Variants in TTLL7 observed in about 807,000 individuals in gnomAD.
TTLL7 encodes tubulin tyrosine ligase like 7.
TTLL7 carries 53 observed loss-of-function variants against 120.2 expected under a neutral mutation model. The observed-to-expected ratio is 0.44, with a 90% CI of 0.35 to 0.55. The LOEUF is 0.55. Among genes scored for constraint, TTLL7 ranks in the 20% least tolerant of loss-of-function variants. TTLL7 has a pLI of 0.00. For missense variants in TTLL7, 803 were observed against 1,054.7 expected, an observed-to-expected ratio of 0.76 and a Z score of 3.31; for synonymous variants, 353 against 351.7, an observed-to-expected ratio of 1.00 and a Z score of -0.04.
At chr1:83,980,058 CAT>C (rs1328548833) in intron 1 of TTLL7, 1 of 152,174 alleles carries the variant, frequency 6.6e-6, no homozygotes, top group African/African-American at 2.4e-5. Context: ...TCAACTAAAA[CAT>C]ATATGTAAAG....
chr1:83,873,171 G>A (rs1241034604), intron 20 of TTLL7, among the ~76,000 whole-genome samples: 1 of 152,182 alleles, frequency 6.6e-6, no homozygotes, highest in Non-Finnish European at 1.5e-5. Context: ...AGCAGAAAAA[G>A]ATGAAACTTT....
intron 18 of TTLL7, among the ~76,000 whole-genome samples, chr1:83,893,533 C>T (rs1009322297): frequency 8.1e-5 from 5 of 61,374 alleles, no homozygotes; most frequent in Non-Finnish European, 1.5e-4. Flanking sequence ...GACTTTCAAA[C>T]ATAAAGACTA....
intron 19 of TTLL7, among the ~76,000 whole-genome samples, chr1:83,888,672 G>A (rs1410348075): frequency 6.6e-6 from 1 of 151,848 alleles, no homozygotes; most frequent in East Asian, 1.9e-4. Flanking sequence ...CAGTTCAGAG[G>A]AAGAAAACGA....
intron 1 of TTLL7, among the ~76,000 whole-genome samples, chr1:83,966,442 T>C (rs1650471083): frequency 6.6e-6 from 1 of 151,996 alleles, no homozygotes; most frequent in African/African-American, 2.4e-5. Flanking sequence ...CCCCGACTAA[T>C]ACATTCATTA....
intron 4 of TTLL7, 85 bp downstream of exon 4, chr1:83,949,780 A>G (rs113241049): frequency 6.8e-7 from 1 of 1,463,938 alleles, no homozygotes; most frequent in Non-Finnish European, 9.4e-7. Flanking sequence ...TAATAAGGCA[A>G]CATATTAAGA....
At chr1:83,921,484 G>C in intron 10 of TTLL7, 90 bp from the exon 11 acceptor site, 1 of 1,375,060 alleles carries the variant, frequency 7.3e-7, no homozygotes, top group African/African-American at 1.5e-5. Context: ...AGGAGACATA[G>C]TGAAGCTCAG....
chr1:83,900,195 G>C (rs1450469277), intron 18 of TTLL7: 1 of 441,510 alleles, frequency 2.3e-6, no homozygotes, highest in Non-Finnish European at 4.5e-6. Flanking sequence ...TCACTAACTA[G>C]TAAGGAAAGA....
chr1:83,994,253 C>G (rs1454299584), intron 1 of TTLL7, among the ~76,000 whole-genome samples: 1 of 152,220 alleles, frequency 6.6e-6, no homozygotes, highest in African/African-American at 2.4e-5. Flanking sequence ...ACCTGCCTCT[C>G]TGCTCCCTAG....
chr1:83,893,196 A>C (rs940312415), intron 18 of TTLL7, among the ~76,000 whole-genome samples: 4 of 151,986 alleles, frequency 2.6e-5, no homozygotes, highest in African/African-American at 4.8e-5. Flanking sequence ...ACTAAATAAA[A>C]GCAGGCCATG....
chr1:83,903,528 C>T (rs374856362), intron 18 of TTLL7, among the ~76,000 whole-genome samples: 176 of 152,074 alleles, frequency 1.2e-3, no homozygotes, highest in Non-Finnish European at 1.9e-3. Flanking sequence ...ATGCTCAAGT[C>T]CATGATATAA....
In TTLL7 at chr1:83,866,599, A is replaced by C. The variant is rs1652932940; in HGVS notation, c.*3363T>G. On this transcript the variant is annotated 3_prime_UTR_variant, in exon 21 of 21. Coordinates refer to ENST00000260505, the MANE Select transcript of TTLL7 (RefSeq NM_024686.6). ...GTATATTTAGAAATAATTTTGACCT[A>C]TGATAAAATTTGTATAGATCTTTGC... is the stretch of plus-strand genomic sequence containing the variant. 6.6e-6 allele frequency: 1 copy of C among 151,902 alleles called. No homozygotes were observed. The highest frequency in any genetic ancestry group is 2.4e-5 in the African/African-American group (1 of 41,430). 9.4% of individuals were successfully genotyped at this position (151,902 alleles called of 1,614,324 possible). A position where few individuals can be genotyped will look rare whatever the true frequency, so the allele number is the denominator to read the frequency against.
intron 1 of TTLL7, among the ~76,000 whole-genome samples, chr1:83,994,400 A>T (rs900988753): frequency 6.6e-6 from 1 of 152,182 alleles, no homozygotes; most frequent in Admixed American, 6.5e-5. Context: ...CTCAGGTGAG[A>T]ACCTGGAGGA....
At chr1:83,989,612 T>C (rs886572592) in intron 1 of TTLL7, among the ~76,000 whole-genome samples, 1 of 152,220 alleles carries the variant, frequency 6.6e-6, no homozygotes, top group Non-Finnish European at 1.5e-5. Context: ...AGCTTTGTTC[T>C]TTTTGCTTAG....
intron 18 of TTLL7, among the ~76,000 whole-genome samples, chr1:83,896,062 AG>A (rs1388183774): frequency 6.6e-6 from 1 of 152,124 alleles, no homozygotes; most frequent in Admixed American, 6.6e-5. Flanking sequence ...GAGATAAATT[AG>A]TGCTAGTTCT....
chr1:83,976,057 GTGTGTGT>G (rs1651452441), intron 1 of TTLL7, among the ~76,000 whole-genome samples: 1 of 150,720 alleles, frequency 6.6e-6, no homozygotes, highest in African/African-American at 2.5e-5. Flanking sequence ...GTGTGTGTGT[GTGTGTGT>G]GTGTGTGTGT....
At chr1:83,937,209 T>A (rs1156301677) in intron 8 of TTLL7, among the ~76,000 whole-genome samples, 1 of 151,924 alleles carries the variant, frequency 6.6e-6, no homozygotes, top group Non-Finnish European at 1.5e-5. Context: ...ACGGTAATTT[T>A]TTTTTTTTTT....
intron 4 of TTLL7, 105 bp from the exon 5 acceptor site, chr1:83,948,800 C>A: frequency 1.4e-6 from 1 of 713,494 alleles, no homozygotes; most frequent in East Asian, 2.7e-5. Context: ...TTTTAATAAA[C>A]TGCCAATTAT....
chr1:83,983,175 T>C (rs1346229578), intron 1 of TTLL7, among the ~76,000 whole-genome samples: 2 of 151,794 alleles, frequency 1.3e-5, no homozygotes, highest in Non-Finnish European at 2.9e-5. Flanking sequence ...CTACTAAAAA[T>C]ACAAAACGTA....
At chr1:83,939,202 A>G (rs1647703611) in intron 7 of TTLL7, among the ~76,000 whole-genome samples, 1 of 152,220 alleles carries the variant, frequency 6.6e-6, no homozygotes, top group Non-Finnish European at 1.5e-5. Context: ...TAAAAGAAAA[A>G]GCATAAATCT....
Sources: gnomAD v4.1 joint callset for allele counts (sites outside exome capture counted in the v4.1 genomes callset) on GRCh38, gnomAD v4.1.1 for gene constraint, MANE v1.5 for transcripts, NCBI Gene and HGNC (gene_info 2026-07-23, HGNC 2026-07-21) for gene names.